IFNGR2: variants seen among roughly 807,000 people sequenced by gnomAD.
IFNGR2 encodes IFN-gamma receptor 2.
IFNGR2 carries 15 observed loss-of-function variants against 41.1 expected under a neutral mutation model. That is an observed-to-expected ratio of 0.37 (90% CI 0.24 to 0.56). The LOEUF (loss-of-function observed/expected upper bound fraction) is 0.56, where lower values mean the gene tolerates loss of function less well. IFNGR2 is among the 20% of genes least tolerant of loss of function. The probability of loss-of-function intolerance (pLI) is 0.81; values close to 1 mark genes in which losing one functional copy is unlikely to be tolerated. For missense variants in IFNGR2, 362 were observed against 415.7 expected (o/e 0.87, Z 1.12); for synonymous variants, 161 against 171.6 (o/e 0.94, Z 0.48).
chr21:33,427,040 C>A lies in IFNGR2; in HGVS notation c.561+8C>A. 6.2e-7 allele frequency: 1 copy of A among 1,609,230 alleles called. No homozygotes were observed. The highest frequency in any genetic ancestry group is 8.5e-7 in the Non-Finnish European group (1 of 1,176,420). ...AAAGGAGGAATCCAACAGGCAAGAGCATCTTTCTTTTTTGTTTGGATTTTC... is the reference window on the plus strand; with the variant it reads ...AAAGGAGGAATCCAACAGGCAAGAGAATCTTTCTTTTTTGTTTGGATTTTC... On this transcript the variant is annotated splice_region_variant and intron_variant, in intron 4 of 6. Coordinates refer to ENST00000290219, the MANE Select transcript of IFNGR2 (RefSeq NM_005534.4).
chr21:33,404,001 CCT>C (rs2083659969), intron 1 of IFNGR2, among the ~76,000 whole-genome samples: 1 of 152,220 alleles, frequency 6.6e-6, no homozygotes, highest in Non-Finnish European at 1.5e-5. Context: ...AAGCCGGTAA[CCT>C]CGGCTGCGCC....
Position 33,403,434 on chromosome 21 carries a change from C to T in IFNGR2, c.-110C>T, listed in dbSNP as rs1242349447. The stretch of plus-strand genomic sequence containing the variant: ...CGCTGCTGCTCGGGAAGAGGCGGGC[C>T]CTGCGCGCCCTGCGCTCGCCATGGC... On this transcript the variant is annotated 5_prime_UTR_variant, in exon 1 of 7. Coordinates refer to ENST00000290219, the MANE Select transcript of IFNGR2 (RefSeq NM_005534.4). The T allele has an allele frequency of 9.2e-6, 5 of 543,662 alleles. No individual in the cohort carries two copies. The highest frequency in any genetic ancestry group is 6.1e-5 in the African/African-American group (3 of 48,886). The allele number at this position is 543,662 out of a possible 1,614,324, so 33.7% of individuals were successfully genotyped here. A position where few individuals can be genotyped will look rare whatever the true frequency, so the allele number is the denominator to read the frequency against.
chr21:33,432,997 T>A, intron 6 of IFNGR2, 126 bp downstream of exon 6: 1 of 788,702 alleles, frequency 1.3e-6, no homozygotes, highest in Non-Finnish European at 2.1e-6. Flanking sequence ...GCGATTCTCC[T>A]GCCTCAGCCT....
At chr21:33,417,902 TA>T (rs879928349) in intron 2 of IFNGR2, among the ~76,000 whole-genome samples, 149 of 146,188 alleles carry the variant, frequency 1.0e-3, no homozygotes, top group African/African-American at 1.7e-3. Flanking sequence ...GTTATTGCAT[TA>T]AAAAAAAAAA....
chr21:33,426,409 A>G (rs774642310), intron 3 of IFNGR2, among the ~76,000 whole-genome samples: 36 of 150,698 alleles, frequency 2.4e-4, no homozygotes, highest in Admixed American at 6.6e-4. Context: ...GCGAGATTCC[A>G]TCTCAAAAAT....
Position 33,437,341 on chromosome 21 carries a change from G to A in IFNGR2, c.*379G>A, listed in dbSNP as rs531280574. ...TCGTCTTGACTTTGGCAAATGAGCC[G>A]GAGCCCCTTGGGCAGGTCACACAAC... is the stretch of plus-strand genomic sequence containing the variant. On this transcript the variant is annotated 3_prime_UTR_variant, in exon 7 of 7. Transcript: ENST00000290219. The A allele has an allele frequency of 8.7e-5, 22 of 252,284 alleles. No individual in the cohort carries two copies. The highest frequency in any genetic ancestry group is 3.6e-4 in the African/African-American group (16 of 44,050). The allele number at this position is 252,284 out of a possible 1,614,324, so 15.6% of individuals were successfully genotyped here.
intron 3 of IFNGR2, among the ~76,000 whole-genome samples, chr21:33,424,829 C>A (rs1339913625): frequency 6.6e-6 from 1 of 152,138 alleles, no homozygotes; most frequent in African/African-American, 2.4e-5. Context: ...GCAGCCTCCG[C>A]CTCCAGGTTT....
chr21:33,433,472 A>G (rs1289746823), intron 6 of IFNGR2, among the ~76,000 whole-genome samples: 1 of 152,220 alleles, frequency 6.6e-6, no homozygotes, highest in Non-Finnish European at 1.5e-5. Context: ...TACCACACAC[A>G]TGGACCTTGA....
intron 4 of IFNGR2, among the ~76,000 whole-genome samples, chr21:33,430,578 G>C (rs2083877297): frequency 6.6e-6 from 1 of 152,056 alleles, no homozygotes; most frequent in Admixed American, 6.6e-5. Context: ...GAGTAGCTGG[G>C]ACTTATAGGC....
At chr21:33,404,863 C>G (rs1372170521) in intron 1 of IFNGR2, among the ~76,000 whole-genome samples, 1 of 152,204 alleles carries the variant, frequency 6.6e-6, no homozygotes, top group Admixed American at 6.5e-5. Flanking sequence ...CTTGGTGGCT[C>G]ACGCCTGTAA....
chr21:33,426,869 G>C lies in IFNGR2; in HGVS notation c.413-15G>C. On this transcript the variant is annotated splice_polypyrimidine_tract_variant and intron_variant, in intron 3 of 6. Coordinates refer to ENST00000290219, the MANE Select transcript of IFNGR2 (RefSeq NM_005534.4). ...TGTGTATGTGTGTGGTTTTCTCTTTGTAATTCTTTTTCAGTGACTGTCGGG... is the reference window on the plus strand; with the variant it reads ...TGTGTATGTGTGTGGTTTTCTCTTTCTAATTCTTTTTCAGTGACTGTCGGG... 6.2e-7 allele frequency: 1 copy of C among 1,610,808 alleles called. No homozygotes were observed. Among genetic ancestry groups the C allele is most frequent in the Non-Finnish European group, 8.5e-7 (1 of 1,178,052 alleles).
chr21:33,423,700 G>A (rs370538990), intron 3 of IFNGR2, among the ~76,000 whole-genome samples: 36 of 152,102 alleles, frequency 2.4e-4, no homozygotes, highest in East Asian at 9.7e-4. Context: ...CACCGTGCCC[G>A]GCCAATAAAA....
intron 1 of IFNGR2, among the ~76,000 whole-genome samples, chr21:33,408,331 T>G (rs1269131485): frequency 2.0e-5 from 3 of 151,974 alleles, no homozygotes; most frequent in African/African-American, 7.3e-5. Flanking sequence ...CAAGTAACTG[T>G]GATTACAGTA....
intron 1 of IFNGR2, among the ~76,000 whole-genome samples, chr21:33,405,353 G>A (rs933084965): frequency 1.1e-4 from 17 of 152,174 alleles, no homozygotes; most frequent in Admixed American, 8.5e-4. Context: ...GATCTGGGGT[G>A]CCTTGCACTT....
At chr21:33,407,068 G>C (rs553472253) in intron 1 of IFNGR2, among the ~76,000 whole-genome samples, 1 of 152,066 alleles carries the variant, frequency 6.6e-6, no homozygotes, top group Non-Finnish European at 1.5e-5. Context: ...AGTAGTGGCC[G>C]TTTGCGCTAG....
chr21:33,426,963 C>T lies in IFNGR2; in HGVS notation c.492C>T (p.Asp164=). ...TCATCAGGTTCTCCTCTCCCTTTGACATCGCTGATACCTCCACGGCCTTTT... is the reference window on the plus strand; with the variant it reads ...TCATCAGGTTCTCCTCTCCCTTTGATATCGCTGATACCTCCACGGCCTTTT... ...SLIIRFSSPF[D]IADTSTAFFC... The change falls in exon 4 of 7, where the codon GAC becomes GAT. Residue 164 remains aspartate (D), a synonymous_variant. Transcript: ENST00000290219. 2 of 1,613,636 alleles carry T rather than the reference C, an allele frequency of 1.2e-6. No individual in the cohort carries two copies. The highest frequency in any genetic ancestry group is 8.5e-7 in the Non-Finnish European group (1 of 1,179,642).
intron 1 of IFNGR2, among the ~76,000 whole-genome samples, chr21:33,414,270 C>A (rs1332889261): frequency 6.6e-6 from 1 of 152,196 alleles, no homozygotes; most frequent in African/African-American, 2.4e-5. Flanking sequence ...TGAGAGACGA[C>A]AACTCTGATG....
intron 2 of IFNGR2, among the ~76,000 whole-genome samples, chr21:33,415,637 A>G (rs1220108981): frequency 6.6e-6 from 1 of 152,220 alleles, no homozygotes; most frequent in Non-Finnish European, 1.5e-5. Context: ...AGGTGAAGTT[A>G]TTGGCTAAGT....
intron 2 of IFNGR2, among the ~76,000 whole-genome samples, chr21:33,416,407 TTTC>T (rs1353639490): frequency 6.6e-6 from 1 of 152,218 alleles, no homozygotes; most frequent in Non-Finnish European, 1.5e-5. Flanking sequence ...GTATTTTTTA[TTTC>T]TTATTTTTGT....
Sources: allele counts gnomAD v4.1 joint callset (sites outside exome capture counted in the v4.1 genomes callset), GRCh38; gene constraint gnomAD v4.1.1; transcripts MANE v1.5; gene names NCBI Gene and HGNC (gene_info 2026-07-23, HGNC 2026-07-21).